RNF157: variants seen among roughly 807,000 people sequenced by gnomAD.
RNF157 encodes E3 ubiquitin ligase RNF157.
RNF157 carries 55 observed loss-of-function variants against 88.3 expected under a neutral mutation model. The ratio of observed to expected loss-of-function variants is 0.62; its 90% CI spans 0.50 to 0.78. The LOEUF (loss-of-function observed/expected upper bound fraction) is 0.78, where lower values mean the gene tolerates loss of function less well. Ranked by LOEUF, RNF157 falls within the 30% of genes least tolerant of loss-of-function variation. RNF157 has a pLI of 0.00. For synonymous variants in RNF157, 334 were observed against 341.2 expected (o/e 0.98, Z 0.23); for missense variants, 788 against 860.8 (o/e 0.92, Z 1.06).
chr17:76,206,984 C>A (rs1026294169), intron 2 of RNF157, among the ~76,000 whole-genome samples: 1 of 152,190 alleles, frequency 6.6e-6, no homozygotes, highest in African/African-American at 2.4e-5. Context: ...CTGAGTGATA[C>A]GTTTGCCAAG....
intron 2 of RNF157, 188 bp downstream of exon 2, chr17:76,212,176 C>T (rs1242398006): frequency 1.9e-6 from 1 of 527,574 alleles, no homozygotes; most frequent in Non-Finnish European, 3.4e-6. Context: ...ACTCCAGGAG[C>T]TCTTCCAGTC....
intron 18 of RNF157, chr17:76,147,009 G>C (rs1030068346): frequency 9.1e-6 from 9 of 985,228 alleles, no homozygotes; most frequent in Non-Finnish European, 9.6e-6. Flanking sequence ...TCTGGTGCTT[G>C]ACCCCAGGGG....
chr17:76,203,869 G>A (rs1209637153), intron 2 of RNF157, among the ~76,000 whole-genome samples: 1 of 149,992 alleles, frequency 6.7e-6, no homozygotes, highest in African/African-American at 2.5e-5. Context: ...CCGGGTTCAC[G>A]CCATTCTCCT....
At chr17:76,168,558 T>C (rs889277905) in intron 3 of RNF157, among the ~76,000 whole-genome samples, 4 of 152,156 alleles carry the variant, frequency 2.6e-5, no homozygotes, top group South Asian at 4.1e-4. Context: ...TTTCATCTTA[T>C]TGAGGAGGTC....
intron 14 of RNF157, 92 bp from the exon 15 acceptor site, chr17:76,155,826 G>A (rs2068754456): frequency 1.7e-6 from 2 of 1,156,270 alleles, no homozygotes; most frequent in East Asian, 5.3e-5. Flanking sequence ...CTGCATTCAG[G>A]CATTGAGGAG....
At chr17:76,229,199 C>T (rs2070146384) in intron 1 of RNF157, among the ~76,000 whole-genome samples, 1 of 152,176 alleles carries the variant, frequency 6.6e-6, no homozygotes, top group Non-Finnish European at 1.5e-5. Flanking sequence ...ACTTGTTTCA[C>T]TTTTCACCAT....
In RNF157 at chr17:76,146,827, C is replaced by A; in HGVS notation, c.1922-1474G>T. The A allele has an allele frequency of 2.0e-6, 2 of 985,492 alleles. No homozygotes were observed. Among genetic ancestry groups the A allele is most frequent in the Non-Finnish European group, 2.4e-6 (2 of 829,942 alleles). The allele number at this position is 985,492 out of a possible 1,614,324, so 61.0% of individuals were successfully genotyped here. A position where few individuals can be genotyped will look rare whatever the true frequency, so the allele number is the denominator to read the frequency against. Reference sequence around the variant, plus strand: ...CTGTTCAGCGGACAAGGCCGACCAACTGTAGAGTGTGGCCGTGAGGTTGAG... The same window carrying A: ...CTGTTCAGCGGACAAGGCCGACCAAATGTAGAGTGTGGCCGTGAGGTTGAG... On this transcript the variant is annotated intron_variant, in intron 18 of 18. Coordinates refer to ENST00000269391, the MANE Select transcript of RNF157 (RefSeq NM_052916.3). The surrounding 1 kb of genome is among the most constrained non-coding windows in gnomAD (Gnocchi z 4.2).
intron 1 of RNF157, among the ~76,000 whole-genome samples, chr17:76,234,102 G>A (rs1419669067): frequency 6.6e-6 from 1 of 152,116 alleles, no homozygotes; most frequent in Non-Finnish European, 1.5e-5. Context: ...TGCCTCTTCT[G>A]GGCATTTCTT....
chr17:76,233,000 A>G (rs2145082740), intron 1 of RNF157, among the ~76,000 whole-genome samples: 1 of 151,898 alleles, frequency 6.6e-6, no homozygotes, highest in African/African-American at 2.4e-5. Flanking sequence ...CGCTCACTGC[A>G]ACCTCTGCCT....
Position 76,152,452 on chromosome 17 carries a change from G to C in RNF157, c.1824C>G (p.Cys608Trp), listed in dbSNP as rs143725203. The C allele has an allele frequency of 1.9e-6, 3 of 1,611,318 alleles. No homozygotes were observed. The African/African-American group carries it at 4.0e-5, about 22-fold the overall frequency. ...TGTCACACTCCATACCTAGAAATGCGCACGTCCTCTGGCCTGTAACGGAGT... is the reference window on the plus strand; with the variant it reads ...TGTCACACTCCATACCTAGAAATGCCCACGTCCTCTGGCCTGTAACGGAGT... ...GSPTQEGQRT[C>W]AFLGMECDNN... The change falls in exon 18 of 19, where the codon TGC (cysteine) becomes TGG (tryptophan). Residue 608 changes from cysteine to tryptophan, a missense_variant. By Grantham distance (215) the Cys-to-Trp change is radical. Transcript: ENST00000269391.
chr17:76,198,663 G>C (rs947238976), intron 2 of RNF157, among the ~76,000 whole-genome samples: 8 of 152,162 alleles, frequency 5.3e-5, no homozygotes, highest in African/African-American at 1.9e-4. Context: ...TGGTTACCCT[G>C]TATCCGTTCT....
chr17:76,230,845 A>T, intron 1 of RNF157, among the ~76,000 whole-genome samples: 1 of 113,902 alleles, frequency 8.8e-6, no homozygotes, highest in African/African-American at 3.7e-5. Context: ...CTAAAAAAAA[A>T]AAAAAAAAAA....
intron 1 of RNF157, among the ~76,000 whole-genome samples, chr17:76,238,999 T>TC (rs1159797836): frequency 6.6e-6 from 1 of 152,190 alleles, no homozygotes; most frequent in Non-Finnish European, 1.5e-5. Context: ...GCCCCTGCTT[T>TC]CACCTGGCAG....
At position 76,176,226 on chromosome 17, in the gene RNF157, AAG is replaced by A. The variant is rs1405641231; in HGVS notation, c.208-2438_208-2437del. On this transcript the variant is annotated intron_variant, in intron 2 of 18. Coordinates refer to ENST00000269391, the MANE Select transcript of RNF157 (RefSeq NM_052916.3). This position sits in a 1 kb window ranked among gnomAD's most constrained non-coding sequence, Gnocchi z 4.2. Reference sequence around the variant, plus strand: ...AGCTGACATAGTAATTGTAATATCAAAGAGATTAAATATATGGATATTTTTTT... The same window carrying A: ...AGCTGACATAGTAATTGTAATATCAAAGATTAAATATATGGATATTTTTTT... Among the ~76,000 whole-genome samples, 1 of 152,214 alleles carries A rather than the reference AAG, an allele frequency of 6.6e-6. No individual in the cohort carries two copies. The highest frequency in any genetic ancestry group is 1.9e-4 in the East Asian group (1 of 5,202).
chr17:76,235,323 G>A (rs376609806), intron 1 of RNF157, among the ~76,000 whole-genome samples: 80 of 151,392 alleles, frequency 5.3e-4, no homozygotes, highest in African/African-American at 1.6e-3. Flanking sequence ...TCAGCCTCCC[G>A]AGTAGTTGGG....
intron 2 of RNF157, among the ~76,000 whole-genome samples, chr17:76,203,916 C>T (rs2069632989): frequency 1.3e-5 from 2 of 151,882 alleles, no homozygotes; most frequent in South Asian, 2.1e-4. Context: ...TACAGGCGCC[C>T]GCCACCATGC....
intron 1 of RNF157, among the ~76,000 whole-genome samples, chr17:76,229,050 C>A (rs750763659): frequency 3.9e-5 from 6 of 152,202 alleles, no homozygotes; most frequent in Non-Finnish European, 8.8e-5. Flanking sequence ...GTTTCCACCC[C>A]TCTACTAAAA....
At chr17:76,223,921 T>C (rs2070032465) in intron 1 of RNF157, among the ~76,000 whole-genome samples, 1 of 152,122 alleles carries the variant, frequency 6.6e-6, no homozygotes, top group Non-Finnish European at 1.5e-5. Context: ...CAGAAAGAAG[T>C]AAGTATAATA....
At chr17:76,226,427 A>G (rs2070087314) in intron 1 of RNF157, 1 of 1,597,126 alleles carries the variant, frequency 6.3e-7, no homozygotes, top group Non-Finnish European at 8.6e-7. Context: ...AGTCTCCTGG[A>G]CTAGGGGGGC....
Sources: gnomAD v4.1 joint callset for allele counts (sites outside exome capture counted in the v4.1 genomes callset) on GRCh38, gnomAD v4.1.1 for gene constraint, Gnocchi (gnomAD v3.1) non-coding constraint, MANE v1.5 for transcripts, NCBI Gene and HGNC (gene_info 2026-07-23, HGNC 2026-07-21) for gene names.